Variants in CBX1 observed in about 807,000 individuals in gnomAD.
CBX1 encodes chromobox protein homolog 1.
CBX1 carries 10 observed loss-of-function variants against 25.1 expected under a neutral mutation model. The observed-to-expected ratio is 0.40, with a 90% CI of 0.25 to 0.68. The LOEUF is 0.68. CBX1 is among the 30% of genes least tolerant of loss of function. The pLI, the probability that CBX1 is intolerant of heterozygous loss-of-function variation, is 0.40. For synonymous variants in CBX1, 63 were observed against 79.4 expected, an observed-to-expected ratio of 0.79 and a Z score of 1.10; for missense variants, 106 against 218.5, an observed-to-expected ratio of 0.49 and a Z score of 3.25.
intron 1 of CBX1, among the ~76,000 whole-genome samples, chr17:48,079,103 C>T (rs536101654): frequency 3.0e-5 from 4 of 135,372 alleles, no homozygotes; most frequent in African/African-American, 1.1e-4. Context: ...AGCTCCAGCC[C>T]CGGCCCCGCA....
chr17:48,088,852 G>T (rs2063327418), intron 1 of CBX1: 1 of 151,124 alleles, frequency 6.6e-6, no homozygotes, highest in African/African-American at 2.4e-5. Context: ...ATCCCTAACA[G>T]CTGCCATAGT....
intron 1 of CBX1, among the ~76,000 whole-genome samples, chr17:48,078,412 T>A (rs1434495334): frequency 6.6e-6 from 1 of 152,078 alleles, no homozygotes; most frequent in Admixed American, 6.6e-5. Flanking sequence ...CAGGATGGTC[T>A]CGATCTCCTG....
rs929919078 is a variant in CBX1, at chr17:48,074,914, A to C, written c.413+92T>G. 6 of 904,260 alleles carry C rather than the reference A, an allele frequency of 6.6e-6. No individual in the cohort carries two copies. In the African/African-American group the frequency reaches 9.9e-5, roughly 15 times the overall value. 56.0% of individuals were successfully genotyped at this position (904,260 alleles called of 1,614,324 possible). On this transcript the variant is annotated intron_variant, in intron 4 of 4. Coordinates refer to ENST00000225603, the MANE Select transcript of CBX1 (RefSeq NM_001127228.2). ...ATCTTAACAATTTCACACTTGGGTG[A>C]TTGGAATTTCGAAGGTCCAGCTCTT... is the stretch of plus-strand genomic sequence containing the variant.
chr17:48,083,491 A>G (rs566824887), intron 1 of CBX1, among the ~76,000 whole-genome samples: 2 of 150,264 alleles, frequency 1.3e-5, no homozygotes, highest in South Asian at 4.1e-4. Context: ...TGACATCTCT[A>G]CTTGTCTTTT....
Position 48,076,999 on chromosome 17 carries a change from C to T in CBX1, c.6G>A (p.Gly2=), listed in dbSNP as rs1207770500. ...CCACTTTCTTCTTGTTTTGTTTTTT[C>T]CCCATAGTGCCCGCCAGCTTTCTGG... M[G]KKQNKKKVEE... is the part of the protein sequence containing the mutation. Residue 2 remains glycine (G), a synonymous_variant, in exon 2 of 5, where the codon GGG becomes GGA. Coordinates refer to ENST00000225603, the MANE Select transcript of CBX1 (RefSeq NM_001127228.2). 6.2e-7 allele frequency: 1 copy of T among 1,612,496 alleles called. No individual in the cohort carries two copies. The highest frequency in any genetic ancestry group is 8.5e-7 in the Non-Finnish European group (1 of 1,179,426).
At chr17:48,076,767 A>T in intron 2 of CBX1, 98 bp downstream of exon 2, 1 of 1,063,226 alleles carries the variant, frequency 9.4e-7, no homozygotes, top group Non-Finnish European at 1.4e-6. Context: ...GTGGGGACTG[A>T]GTCACACTGT....
At chr17:48,092,772 GATTA>G (rs970384241) in intron 1 of CBX1, among the ~76,000 whole-genome samples, 3 of 151,008 alleles carry the variant, frequency 2.0e-5, no homozygotes, top group African/African-American at 7.3e-5. Context: ...ATCTCTAAAA[GATTA>G]ATTAATTAAT....
chr17:48,077,604 CTTT>C (rs2037690779), intron 1 of CBX1, among the ~76,000 whole-genome samples: 1 of 151,754 alleles, frequency 6.6e-6, no homozygotes, highest in African/African-American at 2.4e-5. Flanking sequence ...CAGCAAACTT[CTTT>C]ATTCTTGTGT....
At chr17:48,088,719 A>G (rs541827704) in intron 1 of CBX1, 3 of 152,262 alleles carry the variant, frequency 2.0e-5, no homozygotes, top group South Asian at 4.1e-4. Context: ...TCGTCTTTGC[A>G]TAGGGGCCAT....
Position 48,071,097 on chromosome 17 carries a change from A to C in CBX1, c.*338T>G, listed in dbSNP as rs899158873. On this transcript the variant is annotated 3_prime_UTR_variant, in exon 5 of 5. Coordinates refer to ENST00000225603, the MANE Select transcript of CBX1 (RefSeq NM_001127228.2). ...TTGGGAAGAAGGCTGTGGGTTGTGG[A>C]GATGCTCTTTGAAGATCTACAGTAT... The C allele has an allele frequency of 1.2e-5, 2 of 173,104 alleles. No individual in the cohort carries two copies. The highest frequency in any genetic ancestry group is 1.2e-5 in the Non-Finnish European group (1 of 80,808). 10.7% of individuals were successfully genotyped at this position (173,104 alleles called of 1,614,324 possible). A position where few individuals can be genotyped will look rare whatever the true frequency, so the allele number is the denominator to read the frequency against.
intron 1 of CBX1, among the ~76,000 whole-genome samples, chr17:48,087,228 C>T (rs1458380187): frequency 6.7e-6 from 1 of 149,964 alleles, no homozygotes; most frequent in Non-Finnish European, 1.5e-5. Context: ...AAAGCGAACT[C>T]TGAGTCAAGA....
intron 4 of CBX1, 106 bp downstream of exon 4, chr17:48,074,900 T>C: frequency 1.2e-6 from 1 of 839,050 alleles, no homozygotes; most frequent in East Asian, 2.4e-5. Flanking sequence ...TCTTAACAAT[T>C]TCACACTTGG....
chr17:48,077,455 T>TG (rs1257778989), intron 1 of CBX1, among the ~76,000 whole-genome samples: 2 of 112,220 alleles, frequency 1.8e-5, no homozygotes, highest in African/African-American at 5.9e-5. Context: ...GTTTTTTTTG[T>TG]TTTTTTTTTT....
intron 1 of CBX1, among the ~76,000 whole-genome samples, chr17:48,090,581 C>G (rs117746044): frequency 0.017 from 2,527 of 152,290 alleles, 117 homozygotes; most frequent in East Asian, 0.11. Flanking sequence ...TGATCCAATT[C>G]ATTTTCAACA....
intron 1 of CBX1, among the ~76,000 whole-genome samples, chr17:48,079,110 C>T (rs559157000): frequency 6.7e-6 from 1 of 149,328 alleles, no homozygotes; most frequent in South Asian, 2.1e-4. Flanking sequence ...GCCCCGGCCC[C>T]GCACCTCCCC....
In CBX1 at chr17:48,076,027, T is replaced by C; in HGVS notation, c.292A>G (p.Ser98Gly). The C allele has an allele frequency of 6.2e-7, 1 of 1,609,032 alleles. No individual in the cohort carries two copies. The highest frequency in any genetic ancestry group is 1.1e-5 in the South Asian group (1 of 90,508). Residue 98 changes from serine to glycine, a missense_variant, in exon 3 of 5, where the codon AGC (serine) becomes GGC (glycine). Ser to Gly is a moderately conservative substitution (Grantham distance 56, BLOSUM62 0). Transcript: ENST00000225603. ...TCTTCTTTCTTCTTCTTTGGTTTGC[T>C]CTCCTCTCCCTTATCTTCAGAATCA... ...DSDSEDKGEE[S>G]KPKKKKEESE...
At chr17:48,071,705 C>T (rs1343187385) in intron 4 of CBX1, 126 bp from the exon 5 acceptor site, 5 of 742,276 alleles carry the variant, frequency 6.7e-6, no homozygotes, top group Non-Finnish European at 1.0e-5. Flanking sequence ...ACAATGAAAA[C>T]GTGGCCCAAG....
Position 48,101,469 on chromosome 17 carries a change from C to G in CBX1, c.-239G>C. On this transcript the variant is annotated 5_prime_UTR_variant, in exon 1 of 5. Transcript: ENST00000225603. Reference sequence around the variant, plus strand: ...AAAGAGCCTCGCAGTCTGCGCTGCCCGCCGCTCGCACCGCGCAGGCGCAAC... The same window carrying G: ...AAAGAGCCTCGCAGTCTGCGCTGCCGGCCGCTCGCACCGCGCAGGCGCAAC... 1.0e-6 allele frequency: 1 copy of G among 985,670 alleles called. No homozygotes were observed. Among genetic ancestry groups the G allele is most frequent in the Non-Finnish European group, 1.2e-6 (1 of 830,126 alleles). 61.1% of individuals were successfully genotyped at this position (985,670 alleles called of 1,614,324 possible). A position where few individuals can be genotyped will look rare whatever the true frequency, so the allele number is the denominator to read the frequency against.
chr17:48,080,169 T>G (rs555320343), intron 1 of CBX1, among the ~76,000 whole-genome samples: 3 of 152,222 alleles, frequency 2.0e-5, no homozygotes, highest in African/African-American at 7.2e-5. Flanking sequence ...CCTGAGTAGC[T>G]AGGACTACAG....
Sources: allele counts gnomAD v4.1 joint callset (sites outside exome capture counted in the v4.1 genomes callset), GRCh38; gene constraint gnomAD v4.1.1; transcripts MANE v1.5; gene names NCBI Gene and HGNC (gene_info 2026-07-23, HGNC 2026-07-21).